Variants in CERS4 observed in about 807,000 individuals in gnomAD.
The protein encoded by CERS4 is ceramide synthase 4.
A neutral mutation model predicts 51.8 loss-of-function variants in CERS4; 65 were observed. The observed-to-expected ratio is 1.26, with a 90% CI of 1.03 to 1.54. The LOEUF (loss-of-function observed/expected upper bound fraction) is 1.54. Among genes scored for constraint, CERS4 ranks in the 40% most tolerant of loss-of-function variants. CERS4 has a pLI of 0.00. For synonymous variants in CERS4, 228 were observed against 208.4 expected (o/e 1.09, Z -0.81); for missense variants, 563 against 500.4 (o/e 1.13, Z -1.19).
At chr19:8,226,300 A>G (rs1967784792) in intron 2 of CERS4, among the ~76,000 whole-genome samples, 1 of 152,178 alleles carries the variant, frequency 6.6e-6, no homozygotes, top group African/African-American at 2.4e-5. Flanking sequence ...CTGATGGATA[A>G]TACCTGGGAT....
chr19:8,253,482 A>AGTCTT (rs1246823307), intron 3 of CERS4, among the ~76,000 whole-genome samples: 1 of 126,944 alleles, frequency 7.9e-6, no homozygotes, highest in African/African-American at 3.1e-5. Flanking sequence ...GGGGAGACAG[A>AGTCTT]GTCTTGTTGC....
chr19:8,221,590 T>G (rs1197600788), intron 2 of CERS4, among the ~76,000 whole-genome samples: 3 of 151,082 alleles, frequency 2.0e-5, no homozygotes, highest in Non-Finnish European at 3.0e-5. Flanking sequence ...CTGTCACCCA[T>G]GCTGGAGTGC....
In CERS4 at chr19:8,256,979, G is replaced by A. The variant is rs769711560; in HGVS notation, c.643G>A (p.Val215Met). 1.1e-5 allele frequency: 17 copies of A among 1,614,020 alleles called. No individual in the cohort carries two copies. The highest frequency in any genetic ancestry group is 4.0e-5 in the African/African-American group (3 of 74,930). The part of the protein sequence containing the change: ...DFKEQVIHHF[V>M]AVILMTFSYS... The stretch of plus-strand genomic sequence containing the variant: ...CAAGGAGCAGGTGATACACCACTTC[G>A]TGGCGGTCATCCTGATGACCTTCTC... Residue 215 changes from valine to methionine, a missense_variant, in exon 9 of 12, where the codon GTG (valine) becomes ATG (methionine). By Grantham distance (21) the Val-to-Met change is conservative (BLOSUM62 1). Transcript: ENST00000251363.
rs768589461 is a variant in CERS4, at chr19:8,261,965, A to G, written c.1041A>G (p.Ser347=). 3 of 1,605,548 alleles carry G rather than the reference A, an allele frequency of 1.9e-6. No individual in the cohort carries two copies. The South Asian group carries it at 3.3e-5, about 18-fold the overall frequency. Residue 347 remains serine (S), a synonymous_variant, in exon 12 of 12, where the codon TCA becomes TCG. Transcript: ENST00000251363. ...EKDIRSDVEE[S]DSSEEAAAAQ... is the part of the protein sequence containing the mutation. ...ACATTCGTAGTGATGTAGAAGAATC[A>G]GACTCCAGTGAGGAGGCGGCGGCGG... is the stretch of plus-strand genomic sequence containing the variant.
intron 2 of CERS4, among the ~76,000 whole-genome samples, chr19:8,228,606 C>T (rs1476121137): frequency 1.3e-5 from 2 of 151,818 alleles, no homozygotes; most frequent in East Asian, 1.9e-4. Context: ...ACCTGGGAGG[C>T]GGAGGTTGCA....
At chr19:8,224,760 G>A (rs1263226408) in intron 2 of CERS4, among the ~76,000 whole-genome samples, 1 of 152,154 alleles carries the variant, frequency 6.6e-6, no homozygotes, top group African/African-American at 2.4e-5. Context: ...TGGGAGCCGT[G>A]GAAATCGGGC....
At chr19:8,221,881 T>TG (rs1336219855) in intron 2 of CERS4, among the ~76,000 whole-genome samples, 24 of 96,544 alleles carry the variant, frequency 2.5e-4, no homozygotes, top group African/African-American at 6.4e-4. Flanking sequence ...TGTTTTTTTT[T>TG]TTTTTTTTTT....
At chr19:8,220,467 G>T (rs1266686527) in intron 2 of CERS4, among the ~76,000 whole-genome samples, 1 of 152,116 alleles carries the variant, frequency 6.6e-6, no homozygotes, top group African/African-American at 2.4e-5. Context: ...ACCATGCCCA[G>T]GTAATTTTTA....
chr19:8,224,064 T>G (rs1967672672), intron 2 of CERS4, among the ~76,000 whole-genome samples: 2 of 136,774 alleles, frequency 1.5e-5, no homozygotes. Flanking sequence ...ATCACACCAC[T>G]GCACTCCATC....
Position 8,262,329 on chromosome 19 carries a change from C to A in CERS4, c.*220C>A, listed in dbSNP as rs1969751757. On this transcript the variant is annotated 3_prime_UTR_variant, in exon 12 of 12. Coordinates refer to ENST00000251363, the MANE Select transcript of CERS4 (RefSeq NM_024552.3). ...AGATCTGGGAGCCAGCAGCTGGATGCTGTGGCTGGCCAGAGACACCTCCAG... is the reference window on the plus strand; with the variant it reads ...AGATCTGGGAGCCAGCAGCTGGATGATGTGGCTGGCCAGAGACACCTCCAG... The A allele has an allele frequency of 4.7e-6, 2 of 427,448 alleles. No individual in the cohort carries two copies. Among genetic ancestry groups the A allele is most frequent in the Non-Finnish European group, 8.0e-6 (2 of 250,600 alleles). 26.5% of individuals were successfully genotyped at this position (427,448 alleles called of 1,614,324 possible).
intron 7 of CERS4, 83 bp from the exon 8 acceptor site, chr19:8,256,535 C>G (rs779161805): frequency 8.7e-5 from 115 of 1,321,890 alleles, no homozygotes; most frequent in Non-Finnish European, 1.0e-4. Context: ...TGGTTTTGAG[C>G]AAACGGAGTG....
At chr19:8,238,554 G>A in intron 2 of CERS4, 2 of 985,394 alleles carry the variant, frequency 2.0e-6, no homozygotes, top group African/African-American at 3.5e-5. Context: ...GATGATTCCA[G>A]AAGGGTAAGG....
intron 2 of CERS4, among the ~76,000 whole-genome samples, chr19:8,224,440 G>T (rs1037390808): frequency 1.3e-5 from 2 of 151,162 alleles, no homozygotes; most frequent in African/African-American, 4.9e-5. Flanking sequence ...TGCCCCAAAA[G>T]TTCTGAGAAA....
At chr19:8,243,825 C>T (rs1004368166) in intron 2 of CERS4, among the ~76,000 whole-genome samples, 19 of 151,852 alleles carry the variant, frequency 1.3e-4, no homozygotes, top group African/African-American at 3.9e-4. Flanking sequence ...CACACGCCCA[C>T]GGGAACATTT....
chr19:8,215,741 T>A (rs1181842097), intron 2 of CERS4, among the ~76,000 whole-genome samples: 1 of 151,990 alleles, frequency 6.6e-6, no homozygotes, highest in Non-Finnish European at 1.5e-5. Context: ...TCCATCCCCG[T>A]CCAAACTGGG....
At chr19:8,217,960 C>T (rs908221329) in intron 2 of CERS4, among the ~76,000 whole-genome samples, 2 of 151,752 alleles carry the variant, frequency 1.3e-5, no homozygotes, top group Admixed American at 6.6e-5. Flanking sequence ...ATTTGGCCTT[C>T]TTTTTGTTTT....
chr19:8,258,114 GGGAA>G (rs1306733916), intron 10 of CERS4, 129 bp downstream of exon 10: 5 of 767,308 alleles, frequency 6.5e-6, no homozygotes, highest in Non-Finnish European at 1.1e-5. Flanking sequence ...GGAGGAGGCA[GGGAA>G]GGGTGTGCCA....
intron 9 of CERS4, 197 bp downstream of exon 9, chr19:8,257,274 GA>G (rs1969445057): frequency 1.7e-6 from 1 of 597,252 alleles, no homozygotes; most frequent in African/African-American, 1.9e-5. Context: ...CCTGGGTGAT[GA>G]AGCCCCACCC....
intron 2 of CERS4, among the ~76,000 whole-genome samples, chr19:8,249,587 A>ATTTTT (rs869119452): frequency 0.24 from 21,965 of 91,166 alleles, 4,281 homozygotes; most frequent in South Asian, 0.28. Flanking sequence ...GGAACTCTGG[A>ATTTTT]TTTTTTTTTT....
Sources: gnomAD v4.1 joint callset for allele counts (sites outside exome capture counted in the v4.1 genomes callset) on GRCh38, gnomAD v4.1.1 for gene constraint, MANE v1.5 for transcripts, NCBI Gene and HGNC (gene_info 2026-07-23, HGNC 2026-07-21) for gene names.